Variants in MON2 observed in about 807,000 individuals in gnomAD.
The protein encoded by MON2 is protein MON2 homolog.
MON2 carries 84 observed loss-of-function variants against 208.6 expected under a neutral mutation model. That is an observed-to-expected ratio of 0.40 (90% CI 0.34 to 0.48). The LOEUF is 0.48. Among genes scored for constraint, MON2 ranks in the 20% least tolerant of loss-of-function variants. The probability of loss-of-function intolerance (pLI) is 0.59; values close to 1 mark genes in which losing one functional copy is unlikely to be tolerated. For missense variants in MON2, 1,611 were observed against 2,015.4 expected, an observed-to-expected ratio of 0.80 and a Z score of 3.84; for synonymous variants, 660 against 694.0, an observed-to-expected ratio of 0.95 and a Z score of 0.77.
intron 1 of MON2, among the ~76,000 whole-genome samples, chr12:62,469,876 C>CTATTATTT (rs1302542778): frequency 7.2e-6 from 1 of 138,614 alleles, no homozygotes; most frequent in African/African-American, 2.6e-5. Flanking sequence ...TAGTGCTTGA[C>CTATTATTT]TATTATTTTA....
rs1448825708 is a variant in MON2 at position 62,484,937 on chromosome 12, AG to A, written c.175+705del. 2.3e-3 allele frequency: 323 copies of A among 143,208 alleles called. 2 individuals carry two copies. The highest frequency in any genetic ancestry group is 8.1e-3 in the African/African-American group (311 of 38,454). The allele number at this position is 143,208 out of a possible 1,614,324, so 8.9% of individuals were successfully genotyped here. A position where few individuals can be genotyped will look rare whatever the true frequency, so the allele number is the denominator to read the frequency against. ...TGGCTTTTTTTTTTTTTTTTTTTTA[AG>A]AATCTGTTATATGCAAGGCACTTGT... is the stretch of plus-strand genomic sequence containing the variant. On this transcript the variant is annotated intron_variant, in intron 2 of 34. Coordinates refer to ENST00000393630, the MANE Select transcript of MON2 (RefSeq NM_015026.3).
chr12:62,468,890 G>T (rs1426142538), intron 1 of MON2, among the ~76,000 whole-genome samples: 1 of 152,054 alleles, frequency 6.6e-6, no homozygotes. Context: ...AAAAACTGTG[G>T]TTCCTCTATA....
chr12:62,588,187 C>T (rs772886387), intron 34 of MON2, 31 bp downstream of exon 34: 59 of 1,407,650 alleles, frequency 4.2e-5, no homozygotes, highest in Admixed American at 2.3e-4. Context: ...ATTCTAAATT[C>T]GTAACATTTA....
intron 8 of MON2, chr12:62,508,794 T>A (rs1016920554): frequency 1.6e-5 from 4 of 245,826 alleles, no homozygotes. Flanking sequence ...AAAATTATAG[T>A]CTCTTCAGTT....
At chr12:62,485,915 G>C (rs953639908) in intron 2 of MON2, among the ~76,000 whole-genome samples, 14 of 152,100 alleles carry the variant, frequency 9.2e-5, no homozygotes, top group Non-Finnish European at 2.1e-4. Context: ...TGTTGGCTAG[G>C]CTGGTCTCGA....
At position 62,596,812 on chromosome 12, in the gene MON2, T is replaced by TA. The variant is rs1163422774; in HGVS notation, c.*4064dup. The TA allele has an allele frequency of 6.6e-6, 1 of 152,214 alleles. No homozygotes were observed. The highest frequency in any genetic ancestry group is 1.9e-4 in the East Asian group (1 of 5,192). 9.4% of individuals were successfully genotyped at this position (152,214 alleles called of 1,614,324 possible). On this transcript the variant is annotated 3_prime_UTR_variant, in exon 35 of 35. Transcript: ENST00000393630. ...TTTATAGATTCAGAAAGAGAGATGA[T>TA]ATCTTTGTATCTTGATTTATATACA...
intron 28 of MON2, 103 bp downstream of exon 28, chr12:62,566,134 T>C: frequency 1.4e-6 from 2 of 1,396,572 alleles, no homozygotes; most frequent in African/African-American, 1.5e-5. Context: ...CCAATAGTTT[T>C]AATTTTTGCC....
chr12:62,507,147 A>G (rs566460408), intron 7 of MON2, among the ~76,000 whole-genome samples: 3 of 736 alleles, frequency 4.1e-3, no homozygotes, highest in Non-Finnish European at 5.4e-3. Context: ...TTTTAAGTTA[A>G]TTATTAAATC....
At chr12:62,494,990 C>T (rs2070392379) in intron 3 of MON2, 26 bp from the exon 4 acceptor site, 1 of 1,562,264 alleles carries the variant, frequency 6.4e-7, no homozygotes, top group Non-Finnish European at 8.7e-7. Context: ...TATTTGTTGA[C>T]AATAATTAAA....
intron 5 of MON2, among the ~76,000 whole-genome samples, chr12:62,499,893 A>T (rs7309087): frequency 0.87 from 132,458 of 152,148 alleles, 57,867 homozygotes; most frequent in African/African-American, 0.93. Context: ...AATTTTTTTT[A>T]AAATATTTTT....
chr12:62,556,522 G>A (rs1050464145), intron 25 of MON2, among the ~76,000 whole-genome samples: 1 of 152,192 alleles, frequency 6.6e-6, no homozygotes, highest in Non-Finnish European at 1.5e-5. Context: ...ATTCCAGATG[G>A]ACTTTCCTGA....
chr12:62,588,781 T>TC lies in MON2; in HGVS notation c.4990+629dup, dbSNP rs763572085. ...TTTATTTCCCACAATAGATTTCATT[T>TC]CCCCTACTCTGCACTAAACTAAAAT... On this transcript the variant is annotated intron_variant, in intron 34 of 34. Coordinates refer to ENST00000393630, the MANE Select transcript of MON2 (RefSeq NM_015026.3). The TC allele has an allele frequency of 2.8e-5, 21 of 758,478 alleles. No individual in the cohort carries two copies. In the East Asian group the frequency reaches 5.8e-4, roughly 21 times the overall value. 47.0% of individuals were successfully genotyped at this position (758,478 alleles called of 1,614,324 possible). A position where few individuals can be genotyped will look rare whatever the true frequency, so the allele number is the denominator to read the frequency against.
At chr12:62,578,796 G>C (rs1291953040) in intron 31 of MON2, among the ~76,000 whole-genome samples, 1 of 152,124 alleles carries the variant, frequency 6.6e-6, no homozygotes, top group Non-Finnish European at 1.5e-5. Flanking sequence ...TCAGTCAGGA[G>C]GCATATATTT....
At chr12:62,568,104 A>C (rs190364362) in intron 29 of MON2, among the ~76,000 whole-genome samples, 131 of 152,330 alleles carry the variant, frequency 8.6e-4, no homozygotes, top group African/African-American at 3.0e-3. Context: ...GAATTAATAG[A>C]GATGACACTT....
intron 2 of MON2, among the ~76,000 whole-genome samples, chr12:62,487,366 A>G (rs2069864037): frequency 6.6e-6 from 1 of 152,106 alleles, no homozygotes; most frequent in South Asian, 2.1e-4. Context: ...CTTTTTGCAT[A>G]AATTTTTGTA....
At chr12:62,582,020 C>G (rs1032247781) in intron 32 of MON2, among the ~76,000 whole-genome samples, 6 of 150,722 alleles carry the variant, frequency 4.0e-5, no homozygotes, top group African/African-American at 1.5e-4. Context: ...CTAGCCCAAA[C>G]AGTTTTTAAA....
At chr12:62,478,655 T>A (rs1195955971) in intron 1 of MON2, among the ~76,000 whole-genome samples, 1 of 152,218 alleles carries the variant, frequency 6.6e-6, no homozygotes, top group Non-Finnish European at 1.5e-5. Context: ...TACATGTAAA[T>A]TTGTCAATGA....
At chr12:62,525,323 G>A (rs2072275612) in intron 10 of MON2, 103 bp downstream of exon 10, 10 of 1,243,150 alleles carry the variant, frequency 8.0e-6, no homozygotes, top group South Asian at 7.2e-5. Flanking sequence ...AGAAATTTGG[G>A]TTACCTAAAC....
At chr12:62,551,013 G>T (rs1411048811) in intron 23 of MON2, among the ~76,000 whole-genome samples, 2 of 149,144 alleles carry the variant, frequency 1.3e-5, no homozygotes, top group Non-Finnish European at 3.0e-5. Flanking sequence ...TCTGCCTCCT[G>T]GGTTCAAGTG....
Sources: gnomAD v4.1 joint callset for allele counts (sites outside exome capture counted in the v4.1 genomes callset) on GRCh38, gnomAD v4.1.1 for gene constraint, MANE v1.5 for transcripts, NCBI Gene and HGNC (gene_info 2026-07-23, HGNC 2026-07-21) for gene names.